Variants in TMEM161A observed in about 807,000 individuals in gnomAD.
TMEM161A encodes the protein transmembrane protein 161A, also known as adaptive response to oxidative stress protein 29.
In TMEM161A, 46 loss-of-function variants were observed where a neutral mutation model predicts 57.1. That is an observed-to-expected ratio of 0.81 (90% CI 0.64 to 1.03). The LOEUF (loss-of-function observed/expected upper bound fraction) is 1.03. TMEM161A is among the 50% of genes least tolerant of loss of function. The pLI, the probability that TMEM161A is intolerant of heterozygous loss-of-function variation, is 0.00. For synonymous variants in TMEM161A, 288 were observed against 279.0 expected, an observed-to-expected ratio of 1.03 and a Z score of -0.32; for missense variants, 601 against 621.5, an observed-to-expected ratio of 0.97 and a Z score of 0.35.
chr19:19,120,909 G>A (rs1355040632), intron 10 of TMEM161A, 48 bp from the exon 11 acceptor site: 1 of 1,612,196 alleles, frequency 6.2e-7, no homozygotes, highest in Admixed American at 1.7e-5. Flanking sequence ...CTTCTGGTTT[G>A]GGACGACTCC....
In TMEM161A at chr19:19,121,865, C is replaced by G. The variant is rs1425925470; in HGVS notation, c.596-46G>C. The G allele has an allele frequency of 6.2e-7, 1 of 1,604,154 alleles. No homozygotes were observed. Among genetic ancestry groups the G allele is most frequent in the Non-Finnish European group, 8.5e-7 (1 of 1,173,896 alleles). On this transcript the variant is annotated intron_variant, in intron 6 of 11. Transcript: ENST00000162044. The surrounding 1 kb of genome is among the most constrained non-coding windows in gnomAD (Gnocchi z 5.8). ...ACCGAGTAGAGTGAATTCCTAGGGT[C>G]TCTAAGGCCACTCTGTTCCCTAACC... is the stretch of plus-strand genomic sequence containing the variant.
At chr19:19,133,366 A>G (rs796297585) in intron 2 of TMEM161A, 156 bp from the exon 3 acceptor site, 2 of 650,250 alleles carry the variant, frequency 3.1e-6, no homozygotes, top group African/African-American at 1.8e-5. Flanking sequence ...TTCTGGGGAA[A>G]TCGTGAGACC....
intron 1 of TMEM161A, among the ~76,000 whole-genome samples, chr19:19,137,786 C>G (rs1426977386): frequency 6.6e-6 from 1 of 152,164 alleles, no homozygotes; most frequent in Non-Finnish European, 1.5e-5. Flanking sequence ...GTGGGAGTCC[C>G]CCATCTCCCT....
In TMEM161A at chr19:19,121,331, C is replaced by T. The variant is rs781680703; in HGVS notation, c.891G>A (p.Pro297=). The change falls in exon 9 of 12, where the codon CCG becomes CCA. Residue 297 remains proline, a synonymous_variant. Coordinates refer to ENST00000162044, the MANE Select transcript of TMEM161A (RefSeq NM_017814.3). This position sits in a 1 kb window ranked among gnomAD's most constrained non-coding sequence, Gnocchi z 5.8. ...ACAGGGAGAAACGCGTCTCCCCAAA[C>T]GGCGGCTGGTGCAGGAAGTCCCGTG... The part of the protein sequence containing the change: ...PIARDFLHQP[P]FGETRFSLLS... 5 of 1,576,124 alleles carry T rather than the reference C, an allele frequency of 3.2e-6. No homozygotes were observed. The highest frequency in any genetic ancestry group is 3.4e-6 in the Non-Finnish European group (4 of 1,161,518).
intron 6 of TMEM161A, among the ~76,000 whole-genome samples, chr19:19,127,562 TCCG>T (rs1373981392): frequency 6.6e-6 from 1 of 151,978 alleles, no homozygotes; most frequent in Non-Finnish European, 1.5e-5. Context: ...GACCTCGTGA[TCCG>T]CCCGCCTTGG....
chr19:19,126,984 T>G (rs71332142), intron 6 of TMEM161A, among the ~76,000 whole-genome samples: 100,123 of 151,498 alleles, frequency 0.66, 33,638 homozygotes, highest in East Asian at 0.89. Context: ...GAGGCAAAGG[T>G]TGCAGTGAGT....
In TMEM161A at chr19:19,132,444, G is replaced by A; in HGVS notation, c.351C>T (p.Tyr117=). 6.2e-7 allele frequency: 1 copy of A among 1,614,132 alleles called. No homozygotes were observed. Residue 117 remains tyrosine (Y), a synonymous_variant, in exon 5 of 12, where the codon TAC becomes TAT. Coordinates refer to ENST00000162044, the MANE Select transcript of TMEM161A (RefSeq NM_017814.3). This position sits in a 1 kb window ranked among gnomAD's most constrained non-coding sequence, Gnocchi z 4.3. ...VDFAVYSGGV[Y]LFTEAYYYML... is the part of the protein sequence containing the mutation. Reference sequence around the variant, plus strand: ...TGTAGTAGTAGGCCTCTGTGAAGAGGTACACGCCGCCCGAGTACACAGCAA... The same window carrying A: ...TGTAGTAGTAGGCCTCTGTGAAGAGATACACGCCGCCCGAGTACACAGCAA...
intron 2 of TMEM161A, chr19:19,133,454 G>A (rs755416132): frequency 3.4e-5 from 16 of 475,948 alleles, no homozygotes; most frequent in African/African-American, 6.0e-5. Context: ...GGAAGCCAGT[G>A]TGTGCAACTT....
At position 19,132,874 on chromosome 19, in the gene TMEM161A, G is replaced by T; in HGVS notation, c.189-120C>A. On this transcript the variant is annotated intron_variant, in intron 3 of 11. Transcript: ENST00000162044. The surrounding 1 kb of genome is among the most constrained non-coding windows in gnomAD (Gnocchi z 4.3). ...CTCTTTCCACAACCTTGGCTCCTCT[G>T]CACACTGGGATATGGGGATCCCCCC... 1 of 868,946 alleles carries T rather than the reference G, an allele frequency of 1.2e-6. No homozygotes were observed. Among genetic ancestry groups the T allele is most frequent in the Non-Finnish European group, 1.7e-6 (1 of 573,548 alleles). The allele number at this position is 868,946 out of a possible 1,614,324, so 53.8% of individuals were successfully genotyped here.
At chr19:19,125,962 C>G (rs538079865) in intron 6 of TMEM161A, among the ~76,000 whole-genome samples, 20 of 150,118 alleles carry the variant, frequency 1.3e-4, no homozygotes, top group Non-Finnish European at 3.0e-5. Flanking sequence ...AACCCCATCT[C>G]TAGTAAAAAA....
In TMEM161A at chr19:19,121,459, C is replaced by A; in HGVS notation, c.801-38G>T. The A allele has an allele frequency of 6.2e-7, 1 of 1,613,428 alleles. No individual in the cohort carries two copies. The highest frequency in any genetic ancestry group is 8.5e-7 in the Non-Finnish European group (1 of 1,179,596). On this transcript the variant is annotated intron_variant, in intron 8 of 11. Coordinates refer to ENST00000162044, the MANE Select transcript of TMEM161A (RefSeq NM_017814.3). This position sits in a 1 kb window ranked among gnomAD's most constrained non-coding sequence, Gnocchi z 5.8. ...GGCAGGAGGGAGTGAGGCCTGGGTA[C>A]CCCCTCTCCTCGAGTCTCTCCCTTA...
At chr19:19,131,527 CA>C (rs2059958743) in intron 5 of TMEM161A, among the ~76,000 whole-genome samples, 1 of 151,908 alleles carries the variant, frequency 6.6e-6, no homozygotes, top group Admixed American at 6.6e-5. Flanking sequence ...CACACACACA[CA>C]CACAATTTTT....
At chr19:19,129,541 T>C (rs2146333904) in intron 6 of TMEM161A, among the ~76,000 whole-genome samples, 1 of 151,056 alleles carries the variant, frequency 6.6e-6, no homozygotes, top group African/African-American at 2.4e-5. Flanking sequence ...AGCTCAGGAG[T>C]GTGAGACCAG....
intron 1 of TMEM161A, among the ~76,000 whole-genome samples, chr19:19,136,511 C>A (rs970013899): frequency 6.6e-6 from 1 of 151,862 alleles, no homozygotes; most frequent in Non-Finnish European, 1.5e-5. Context: ...CAAAAATTAG[C>A]CAGACATGGT....
intron 2 of TMEM161A, among the ~76,000 whole-genome samples, chr19:19,133,702 C>T (rs915173711): frequency 1.3e-5 from 2 of 152,144 alleles, no homozygotes; most frequent in Non-Finnish European, 1.5e-5. Flanking sequence ...AAACTCCTGA[C>T]CTCAAGTGAT....
Position 19,120,154 on chromosome 19 carries a change from G to A in TMEM161A, c.1216C>T (p.Pro406Ser), listed in dbSNP as rs373223048. 8.7e-4 allele frequency: 1,363 copies of A among 1,558,892 alleles called. 13 individuals are homozygous for A. The South Asian group carries it at 0.015, about 17-fold the overall frequency. The change falls in exon 12 of 12, where the codon CCT (proline) becomes TCT (serine). Residue 406 changes from proline to serine, a missense_variant. Pro to Ser is a moderately conservative substitution (Grantham distance 74). Coordinates refer to ENST00000162044, the MANE Select transcript of TMEM161A (RefSeq NM_017814.3). ...GAGGATGGGTCGGGGGATAGTAGAGGAGCTGGGCCCAGGCCCCAGGAATAG... is the reference window on the plus strand; with the variant it reads ...GAGGATGGGTCGGGGGATAGTAGAGAAGCTGGGCCCAGGCCCCAGGAATAG... ...GGYSWGLGPA[P>S]LLSPDPSSAS...
At position 19,121,752 on chromosome 19, in the gene TMEM161A, G is replaced by A. The variant is rs2059912187; in HGVS notation, c.656+7C>T. 6.2e-7 allele frequency: 1 copy of A among 1,614,020 alleles called. No individual in the cohort carries two copies. Among genetic ancestry groups the A allele is most frequent in the Non-Finnish European group, 8.5e-7 (1 of 1,179,978 alleles). ...CCTTGCCTCCCTCCCCCATTCCCAGGACTCACGCCCAGTCCCAGCCCTGCT... is the reference window on the plus strand; with the variant it reads ...CCTTGCCTCCCTCCCCCATTCCCAGAACTCACGCCCAGTCCCAGCCCTGCT... On this transcript the variant is annotated splice_region_variant and intron_variant, in intron 7 of 11. Transcript: ENST00000162044. The surrounding 1 kb of genome is among the most constrained non-coding windows in gnomAD (Gnocchi z 5.8).
rs1342101553 is a variant in TMEM161A at position 19,120,805 on chromosome 19, G to C, written c.1146C>G (p.Leu382=). Residue 382 remains leucine (L), a synonymous_variant, in exon 11 of 12, where the codon CTC becomes CTG. Coordinates refer to ENST00000162044, the MANE Select transcript of TMEM161A (RefSeq NM_017814.3). ...GAAGTGTGCAGTTGAGGGTGAGGATGAGCGGCGTCAGGTACTGCAAGCTCA... is the reference window on the plus strand; with the variant it reads ...GAAGTGTGCAGTTGAGGGTGAGGATCAGCGGCGTCAGGTACTGCAAGCTCA... ...TVVSLQYLTP[L]ILTLNCTLLL... is the part of the protein sequence containing the mutation. 6.2e-7 allele frequency: 1 copy of C among 1,613,368 alleles called. No individual in the cohort carries two copies. Among genetic ancestry groups the C allele is most frequent in the East Asian group, 2.2e-5 (1 of 44,886 alleles).
Position 19,119,728 on chromosome 19 carries a change from C to T in TMEM161A, c.*202G>A. On this transcript the variant is annotated 3_prime_UTR_variant, in exon 12 of 12. Coordinates refer to ENST00000162044, the MANE Select transcript of TMEM161A (RefSeq NM_017814.3). The stretch of plus-strand genomic sequence containing the variant: ...AGACAATGGCCTCGGGACCCTCATG[C>T]TGCTGGGCCCAGGAGAGACAGTTCT... The T allele has an allele frequency of 1.6e-6, 1 of 641,410 alleles. No individual in the cohort carries two copies. Among genetic ancestry groups the T allele is most frequent in the South Asian group, 2.0e-5 (1 of 49,460 alleles). The allele number at this position is 641,410 out of a possible 1,614,324, so 39.7% of individuals were successfully genotyped here.
Sources: allele counts gnomAD v4.1 joint callset (sites outside exome capture counted in the v4.1 genomes callset), GRCh38; gene constraint gnomAD v4.1.1; non-coding constraint Gnocchi (gnomAD v3.1); transcripts MANE v1.5; gene names NCBI Gene and HGNC (gene_info 2026-07-23, HGNC 2026-07-21).